NFKB1: variants seen among roughly 807,000 people sequenced by gnomAD.
NFKB1 encodes nuclear factor kappa B subunit 1, also known as nuclear factor NF-kappa-B p105 subunit.
A neutral mutation model predicts 105.1 loss-of-function variants in NFKB1; 9 were observed. That is an observed-to-expected ratio of 0.09 (90% CI 0.05 to 0.15). The LOEUF is 0.15. Ranked by LOEUF, NFKB1 falls within the 10% of genes least tolerant of loss-of-function variation. NFKB1 has a pLI of 1.00. For synonymous variants in NFKB1, 440 were observed against 442.2 expected (o/e 1.00, Z 0.06); for missense variants, 830 against 1,203.7 (o/e 0.69, Z 4.59).
At chr4:102,512,976 G>A (rs1004270201) in intron 1 of NFKB1, among the ~76,000 whole-genome samples, 11 of 152,302 alleles carry the variant, frequency 7.2e-5, no homozygotes, top group Admixed American at 2.0e-4. Context: ...TTGAACAAAA[G>A]AATACTAATC....
At chr4:102,613,913 TC>T (rs1260981350) in intron 23 of NFKB1, among the ~76,000 whole-genome samples, 2 of 152,170 alleles carry the variant, frequency 1.3e-5, no homozygotes, top group Non-Finnish European at 2.9e-5. Context: ...ATCTCCTTCT[TC>T]CTTTGCCTCC....
chr4:102,532,178 C>T (rs1403977579), intron 3 of NFKB1, among the ~76,000 whole-genome samples: 2 of 151,884 alleles, frequency 1.3e-5, no homozygotes. Flanking sequence ...ACCAGTGACT[C>T]CCCCTTTTTT....
intron 8 of NFKB1, among the ~76,000 whole-genome samples, chr4:102,579,282 T>TTA (rs1725123964): frequency 6.6e-6 from 1 of 152,150 alleles, no homozygotes; most frequent in South Asian, 2.1e-4. Flanking sequence ...TTTTAGTCTT[T>TTA]TACATGAAAT....
At chr4:102,502,824 C>T (rs931082574) in intron 1 of NFKB1, among the ~76,000 whole-genome samples, 1 of 152,032 alleles carries the variant, frequency 6.6e-6, no homozygotes, top group African/African-American at 2.4e-5. Context: ...TTATAAAGCT[C>T]ATAATCTGAA....
rs900625450 is a variant in NFKB1, at chr4:102,597,409, GAT to G, written c.1496-108_1496-107del. On this transcript the variant is annotated intron_variant, in intron 14 of 23. Coordinates refer to ENST00000226574, the MANE Select transcript of NFKB1 (RefSeq NM_003998.4). ...TTGAAAGAACATTTTCAACTAAAATGATATGTCAAGGTGTCAGAACACTGATG... is the reference window on the plus strand; with the variant it reads ...TTGAAAGAACATTTTCAACTAAAATGATGTCAAGGTGTCAGAACACTGATG... 9.8e-6 allele frequency: 11 copies of G among 1,122,240 alleles called. No homozygotes were observed. In the African/African-American group the frequency reaches 1.4e-4, roughly 14 times the overall value. The allele number at this position is 1,122,240 out of a possible 1,614,324, so 69.5% of individuals were successfully genotyped here.
intron 2 of NFKB1, among the ~76,000 whole-genome samples, chr4:102,527,225 G>T (rs1373283417): frequency 2.0e-5 from 3 of 152,222 alleles, no homozygotes; most frequent in Non-Finnish European, 4.4e-5. Flanking sequence ...ATATGCTGTA[G>T]TAGTAGTCTG....
intron 5 of NFKB1, among the ~76,000 whole-genome samples, chr4:102,565,552 C>G (rs1210663750): frequency 6.6e-6 from 1 of 152,136 alleles, no homozygotes; most frequent in East Asian, 1.9e-4. Flanking sequence ...TAGAAGTAGG[C>G]TAGTCGAAAA....
At chr4:102,614,720 T>A (rs1202339633) in intron 23 of NFKB1, among the ~76,000 whole-genome samples, 1 of 152,056 alleles carries the variant, frequency 6.6e-6, no homozygotes. Flanking sequence ...GACGCCTACC[T>A]TCAACTTCAG....
chr4:102,573,475 T>G (rs1724555505), intron 6 of NFKB1, among the ~76,000 whole-genome samples: 1 of 152,188 alleles, frequency 6.6e-6, no homozygotes, highest in South Asian at 2.1e-4. Flanking sequence ...AGATTTTCTC[T>G]TCCTCACTCG....
At chr4:102,596,405 G>A in intron 14 of NFKB1, 73 bp downstream of exon 14, 1 of 1,222,408 alleles carries the variant, frequency 8.2e-7, no homozygotes, top group Non-Finnish European at 1.1e-6. Flanking sequence ...AAAGATATCT[G>A]CTAATCTAAA....
At chr4:102,589,081 A>G (rs150658489) in intron 11 of NFKB1, among the ~76,000 whole-genome samples, 64 of 152,316 alleles carry the variant, frequency 4.2e-4, no homozygotes, top group African/African-American at 1.5e-3. Context: ...GTTCTGTATC[A>G]GTTTCTTGTC....
At chr4:102,595,282 T>C (rs935711159) in intron 13 of NFKB1, among the ~76,000 whole-genome samples, 18 of 152,192 alleles carry the variant, frequency 1.2e-4, no homozygotes, top group Non-Finnish European at 2.2e-4. Context: ...TCATCAAACT[T>C]AATGTATTCT....
rs188145384 is a variant in NFKB1, at chr4:102,555,013, C to T, written c.259-11974C>T. On this transcript the variant is annotated intron_variant, in intron 5 of 23. Transcript: ENST00000226574. ...GAGTACAAGGGCTTCAAAAAATAAT[C>T]CTTTTAGGAATAAGAATATTGCCAG... is the stretch of plus-strand genomic sequence containing the variant. Among the ~76,000 whole-genome samples, 9 of 152,168 alleles carry T rather than the reference C, an allele frequency of 5.9e-5. No homozygotes were observed. The East Asian group carries it at 1.7e-3, about 29-fold the overall frequency.
intron 5 of NFKB1, among the ~76,000 whole-genome samples, chr4:102,557,458 C>A (rs1463464200): frequency 2.6e-5 from 4 of 152,180 alleles, no homozygotes; most frequent in Non-Finnish European, 5.9e-5. Flanking sequence ...TTGAAACATA[C>A]TCCACTAGTT....
intron 18 of NFKB1, 75 bp downstream of exon 18, chr4:102,607,394 T>C (rs1232094191): frequency 2.1e-5 from 31 of 1,488,304 alleles, no homozygotes; most frequent in Non-Finnish European, 2.9e-5. Flanking sequence ...AAGAAGGAAG[T>C]CAGTAGCTGC....
At position 102,514,545 on chromosome 4, in the gene NFKB1, T is replaced by A. The variant is rs557406476; in HGVS notation, c.-7-10967T>A. On this transcript the variant is annotated intron_variant, in intron 1 of 23. Transcript: ENST00000226574. ...GGTGCCTTGATCTTGGGCTTCCCGTTGCCAGAACTGTGAGAAATAAACCTG... is the reference window on the plus strand; with the variant it reads ...GGTGCCTTGATCTTGGGCTTCCCGTAGCCAGAACTGTGAGAAATAAACCTG... Among the ~76,000 whole-genome samples the A allele has an allele frequency of 2.0e-5, 3 of 152,340 alleles. No homozygotes were observed. In the East Asian group the frequency reaches 5.8e-4, roughly 29 times the overall value.
intron 19 of NFKB1, among the ~76,000 whole-genome samples, chr4:102,607,986 TG>T (rs1271112365): frequency 2.6e-5 from 4 of 152,232 alleles, no homozygotes; most frequent in Non-Finnish European, 5.9e-5. Flanking sequence ...TTCATCTGTT[TG>T]TTTGGGGTTT....
intron 5 of NFKB1, among the ~76,000 whole-genome samples, chr4:102,551,604 A>G (rs1404869476): frequency 1.3e-5 from 2 of 152,152 alleles, no homozygotes; most frequent in African/African-American, 4.8e-5. Context: ...GATTTCTACA[A>G]GGGTGAGATA....
chr4:102,571,809 T>C (rs1180077754), intron 6 of NFKB1, among the ~76,000 whole-genome samples: 2 of 152,350 alleles, frequency 1.3e-5, no homozygotes, highest in Middle Eastern at 3.4e-3. Flanking sequence ...CCAGTTAGAA[T>C]GGCAATCATT....
Sources: gnomAD v4.1 joint callset for allele counts (sites outside exome capture counted in the v4.1 genomes callset) on GRCh38, gnomAD v4.1.1 for gene constraint, MANE v1.5 for transcripts, NCBI Gene and HGNC (gene_info 2026-07-23, HGNC 2026-07-21) for gene names.